Variants in ATP2B2 observed in about 807,000 individuals in gnomAD.
The protein encoded by ATP2B2 is plasma membrane calcium-transporting ATPase 2.
In ATP2B2, 15 loss-of-function variants were observed where a neutral mutation model predicts 120.0. The observed-to-expected ratio is 0.12, with a 90% CI of 0.08 to 0.19. The LOEUF (loss-of-function observed/expected upper bound fraction) is 0.19, where lower values mean the gene tolerates loss of function less well. Ranked by LOEUF, ATP2B2 falls within the 10% of genes least tolerant of loss-of-function variation. The pLI, the probability that ATP2B2 is intolerant of heterozygous loss-of-function variation, is 1.00. For missense variants in ATP2B2, 1,045 were observed against 1,719.8 expected (o/e 0.61, Z 6.94); for synonymous variants, 694 against 700.3 (o/e 0.99, Z 0.14).
intron 1 of ATP2B2, among the ~76,000 whole-genome samples, chr3:10,488,216 T>C (rs1426515346): frequency 2.1e-5 from 3 of 141,784 alleles, no homozygotes; most frequent in African/African-American, 7.9e-5. Context: ...CATCCATCCA[T>C]CCATCCACTC....
At chr3:10,469,834 C>T (rs1471666862) in intron 1 of ATP2B2, among the ~76,000 whole-genome samples, 1 of 152,164 alleles carries the variant, frequency 6.6e-6, no homozygotes, top group Non-Finnish European at 1.5e-5. Flanking sequence ...CCCTCTTGCT[C>T]CCTCCAGCCT....
intron 1 of ATP2B2, among the ~76,000 whole-genome samples, chr3:10,467,726 C>T (rs761965188): frequency 1.3e-5 from 2 of 152,150 alleles, no homozygotes; most frequent in Non-Finnish European, 2.9e-5. Context: ...GTTACTGAAC[C>T]GGAGGAAACG....
At chr3:10,391,887 C>T (rs2061863089) in intron 5 of ATP2B2, among the ~76,000 whole-genome samples, 1 of 152,214 alleles carries the variant, frequency 6.6e-6, no homozygotes, top group African/African-American at 2.4e-5. Context: ...TGTCTCGTGG[C>T]CTCTGCCTTT....
intron 14 of ATP2B2, among the ~76,000 whole-genome samples, chr3:10,353,345 G>A (rs1255692506): frequency 6.6e-6 from 1 of 152,212 alleles, no homozygotes; most frequent in African/African-American, 2.4e-5. Context: ...TCCTGGGGGA[G>A]GGGATGTTTG....
At chr3:10,620,662 G>T (rs2069520062) in intron 1 of ATP2B2, among the ~76,000 whole-genome samples, 1 of 152,160 alleles carries the variant, frequency 6.6e-6, no homozygotes, top group Admixed American at 6.5e-5. Flanking sequence ...TGTCACCTGT[G>T]ATCAAAGCAT....
intron 3 of ATP2B2, among the ~76,000 whole-genome samples, chr3:10,517,183 C>G (rs1316771066): frequency 1.3e-5 from 2 of 152,228 alleles, no homozygotes; most frequent in African/African-American, 4.8e-5. Flanking sequence ...TCGGTGCAGG[C>G]CACAGCCCTG....
Position 10,328,773 on chromosome 3 carries a change from G to A in ATP2B2, c.*41C>T, listed in dbSNP as rs752718517. 8.7e-5 allele frequency: 136 copies of A among 1,561,324 alleles called. No individual in the cohort carries two copies. Among genetic ancestry groups the A allele is most frequent in the Admixed American group, 4.6e-4 (26 of 56,428 alleles). On this transcript the variant is annotated 3_prime_UTR_variant, in exon 23 of 23. Transcript: ENST00000360273. Reference sequence around the variant, plus strand: ...GGGTGCCCGGAAAGCGGGTGGCAGCGGGGTCCATGAGGGCGGGCGGGCAGG... The same window carrying A: ...GGGTGCCCGGAAAGCGGGTGGCAGCAGGGTCCATGAGGGCGGGCGGGCAGG...
upstream of ATP2B2, among the ~76,000 whole-genome samples, chr3:10,506,492 C>T (rs562253780): frequency 1.4e-4 from 21 of 152,322 alleles, no homozygotes; most frequent in Non-Finnish European, 2.9e-4. Context: ...TAGCCAGCTG[C>T]TCACCTCTTC....
At chr3:10,337,204 T>C (rs2060141632) in intron 22 of ATP2B2, among the ~76,000 whole-genome samples, 2 of 151,998 alleles carry the variant, frequency 1.3e-5, no homozygotes, top group South Asian at 4.1e-4. Flanking sequence ...TGAGGTGAGG[T>C]TTGGGACAGG....
At chr3:10,673,498 CAG>C (rs58286719) in intron 1 of ATP2B2, among the ~76,000 whole-genome samples, 209 of 144,890 alleles carry the variant, frequency 1.4e-3, no homozygotes, top group Non-Finnish European at 1.3e-3. Flanking sequence ...GAGAGAAAGA[CAG>C]AGAGAGAGAG....
chr3:10,655,435 T>G (rs2070594918), intron 1 of ATP2B2, among the ~76,000 whole-genome samples: 1 of 152,252 alleles, frequency 6.6e-6, no homozygotes, highest in Non-Finnish European at 1.5e-5. Context: ...AATTCTATTT[T>G]GTAAATTCCC....
At chr3:10,596,070 T>G (rs1452760933) in intron 2 of ATP2B2, among the ~76,000 whole-genome samples, 1 of 152,126 alleles carries the variant, frequency 6.6e-6, no homozygotes, top group African/African-American at 2.4e-5. Context: ...AAAGGTCCCC[T>G]CTGCAGAGAG....
At chr3:10,377,101 C>T (rs2061402120) in intron 10 of ATP2B2, among the ~76,000 whole-genome samples, 3 of 152,284 alleles carry the variant, frequency 2.0e-5, no homozygotes, top group African/African-American at 7.2e-5. Context: ...TTGGCAGGGC[C>T]GAGGTGCAGG....
intron 1 of ATP2B2, among the ~76,000 whole-genome samples, chr3:10,494,794 C>T (rs2125380231): frequency 6.6e-6 from 1 of 152,334 alleles, no homozygotes; most frequent in East Asian, 1.9e-4. Context: ...ATAATCACCA[C>T]CCTCGGCATT....
intron 3 of ATP2B2, among the ~76,000 whole-genome samples, chr3:10,526,525 G>A (rs904238893): frequency 6.6e-6 from 1 of 152,174 alleles, no homozygotes; most frequent in Non-Finnish European, 1.5e-5. Flanking sequence ...GGGGTGCTGT[G>A]GGTCACGGGG....
At chr3:10,353,858 TTCC>T (rs1353063248) in intron 14 of ATP2B2, among the ~76,000 whole-genome samples, 6 of 152,304 alleles carry the variant, frequency 3.9e-5, no homozygotes, top group Middle Eastern at 3.4e-3. Context: ...GAGCCCTGGT[TTCC>T]TCATCTGTAA....
At chr3:10,508,095 C>G (rs1160285985), upstream of ATP2B2, among the ~76,000 whole-genome samples, 1 of 152,100 alleles carries the variant, frequency 6.6e-6, no homozygotes, top group African/African-American at 2.4e-5. Context: ...GTTTTCAGAC[C>G]CTAAGACTAG....
In ATP2B2 at chr3:10,462,570, C is replaced by G. The variant is rs143432028; in HGVS notation, c.-319-12708G>C. Among the ~76,000 whole-genome samples, 441 of 152,284 alleles carry G rather than the reference C, an allele frequency of 2.9e-3. 3 individuals are homozygous for G. Among genetic ancestry groups the G allele is most frequent in the African/African-American group, 1.0e-2 (415 of 41,544 alleles). The stretch of plus-strand genomic sequence containing the variant: ...GCTCATACCTTATCCCTCAACAACC[C>G]CATGAGGTAGGTATTATTATGCATA... On this transcript the variant is annotated intron_variant, in intron 1 of 22. Transcript: ENST00000360273.
At chr3:10,553,006 C>A (rs1220488438) in intron 2 of ATP2B2, among the ~76,000 whole-genome samples, 1 of 152,218 alleles carries the variant, frequency 6.6e-6, no homozygotes, top group Non-Finnish European at 1.5e-5. Context: ...CATCCAACTG[C>A]TCTGTCCTCT....
Sources: gnomAD v4.1 joint callset for allele counts (sites outside exome capture counted in the v4.1 genomes callset) on GRCh38, gnomAD v4.1.1 for gene constraint, MANE v1.5 for transcripts, NCBI Gene and HGNC (gene_info 2026-07-23, HGNC 2026-07-21) for gene names.